Variants in CTCF observed in about 807,000 individuals in gnomAD.
CTCF encodes CCCTC-binding factor, also known as transcriptional repressor CTCF.
In CTCF, 7 loss-of-function variants were observed where a neutral mutation model predicts 72.3. The ratio of observed to expected loss-of-function variants is 0.10; its 90% CI spans 0.06 to 0.18. The LOEUF (loss-of-function observed/expected upper bound fraction) is 0.18. CTCF is among the 10% of genes least tolerant of loss of function. The probability of loss-of-function intolerance (pLI) is 1.00; values close to 1 mark genes in which losing one functional copy is unlikely to be tolerated. For synonymous variants in CTCF, 374 were observed against 315.8 expected (o/e 1.18, Z -1.95); for missense variants, 516 against 949.1 (o/e 0.54, Z 6.00).
At chr16:67,625,283 C>G in intron 7 of CTCF, among the ~76,000 whole-genome samples, 1 of 152,078 alleles carries the variant, frequency 6.6e-6, no homozygotes, top group East Asian at 1.9e-4. Context: ...CTCTGCCCCC[C>G]AGGTTCAAGC....
chr16:67,563,001 G>T (rs1421989273), intron 1 of CTCF, among the ~76,000 whole-genome samples: 1 of 144,136 alleles, frequency 6.9e-6, no homozygotes, highest in Non-Finnish European at 1.5e-5. Context: ...GCAGAGGCCC[G>T]CGCGCCCGGC....
intron 2 of CTCF, among the ~76,000 whole-genome samples, chr16:67,587,148 C>G (rs1192222449): frequency 6.7e-6 from 1 of 148,532 alleles, no homozygotes; most frequent in Non-Finnish European, 1.5e-5. Flanking sequence ...GCTCTGTCGC[C>G]CAGGCTGGCA....
chr16:67,626,486 G>A (rs527441691), intron 7 of CTCF, 69 bp from the exon 8 acceptor site: 22 of 602,688 alleles, frequency 3.7e-5, no homozygotes, highest in African/African-American at 2.1e-4. Context: ...ATCGAGAAAT[G>A]TATTAGTAAC....
At chr16:67,595,792 TC>T (rs1359285028) in intron 2 of CTCF, among the ~76,000 whole-genome samples, 1 of 152,154 alleles carries the variant, frequency 6.6e-6, no homozygotes, top group Non-Finnish European at 1.5e-5. Flanking sequence ...CTGTCCGCCC[TC>T]CCTTTTTAAA....
At chr16:67,627,355 T>G (rs559850009) in intron 8 of CTCF, 1 of 151,736 alleles carries the variant, frequency 6.6e-6, no homozygotes, top group South Asian at 2.1e-4. Context: ...TAGCCGGGCA[T>G]GGTGATAGAC....
chr16:67,584,298 G>T (rs1260619882), intron 2 of CTCF, among the ~76,000 whole-genome samples: 2 of 149,844 alleles, frequency 1.3e-5, no homozygotes, highest in Non-Finnish European at 3.0e-5. Context: ...CTCCAGCCTG[G>T]ATGACGAACG....
At chr16:67,624,071 A>G (rs9674401) in intron 7 of CTCF, among the ~76,000 whole-genome samples, 2,713 of 117,492 alleles carry the variant, frequency 0.023, 46 homozygotes, top group Non-Finnish European at 0.027. Context: ...AAAATTATAT[A>G]TGTGTGTGTG....
chr16:67,629,232 G>C (rs998163920), intron 9 of CTCF, among the ~76,000 whole-genome samples, 166 bp from the exon 10 acceptor site: 1 of 152,006 alleles, frequency 6.6e-6, no homozygotes, highest in Non-Finnish European at 1.5e-5. Flanking sequence ...TCCCCTTAGA[G>C]AACCCAGCCT....
At chr16:67,606,061 A>G (rs1377551276) in intron 2 of CTCF, among the ~76,000 whole-genome samples, 1 of 152,208 alleles carries the variant, frequency 6.6e-6, no homozygotes, top group African/African-American at 2.4e-5. Context: ...TTCTCTGCCC[A>G]GAAAGCATAA....
At chr16:67,607,392 A>G (rs2051988630) in intron 2 of CTCF, among the ~76,000 whole-genome samples, 1 of 151,638 alleles carries the variant, frequency 6.6e-6, no homozygotes, top group Non-Finnish European at 1.5e-5. Flanking sequence ...TGCAACCTCC[A>G]CCTCCAGGGT....
chr16:67,602,842 CAAAAA>C (rs75191313), intron 2 of CTCF, among the ~76,000 whole-genome samples: 1 of 55,348 alleles, frequency 1.8e-5, no homozygotes, highest in African/African-American at 6.3e-5. Flanking sequence ...ACTCCATCTC[CAAAAA>C]AAAAAAAAAA....
chr16:67,637,657 C>T (rs755813764), intron 11 of CTCF, 31 bp from the exon 12 acceptor site: 2 of 1,584,226 alleles, frequency 1.3e-6, no homozygotes, highest in African/African-American at 1.4e-5. Context: ...TTTAATGGAC[C>T]ATTTGTTCTG....
chr16:67,619,250 A>G (rs2052171214), intron 5 of CTCF, among the ~76,000 whole-genome samples: 1 of 152,164 alleles, frequency 6.6e-6, no homozygotes, highest in African/African-American at 2.4e-5. Flanking sequence ...AGCCGGGCCA[A>G]CGTGGTGAAA....
intron 1 of CTCF, among the ~76,000 whole-genome samples, chr16:67,566,724 CG>C (rs1266756020): frequency 2.0e-5 from 3 of 151,194 alleles, no homozygotes; most frequent in Non-Finnish European, 4.4e-5. Context: ...GGACTACAGG[CG>C]CCTGCCACCA....
intron 10 of CTCF, 57 bp downstream of exon 10, chr16:67,629,590 AGT>A: frequency 1.3e-6 from 2 of 1,591,986 alleles, no homozygotes; most frequent in Admixed American, 1.7e-5. Context: ...CCCAGTTTCC[AGT>A]GTGTTTATGT....
chr16:67,635,004 A>ATTTTGT (rs1168699850), intron 10 of CTCF, among the ~76,000 whole-genome samples: 43 of 143,216 alleles, frequency 3.0e-4, no homozygotes, highest in Non-Finnish European at 5.9e-4. Flanking sequence ...CGCTGGGTAA[A>ATTTTGT]TTTTGTTTTT....
intron 11 of CTCF, among the ~76,000 whole-genome samples, 165 bp from the exon 12 acceptor site, chr16:67,637,523 T>G (rs745998365): frequency 6.6e-6 from 1 of 152,116 alleles, no homozygotes; most frequent in Non-Finnish European, 1.5e-5. Context: ...AGAGCAAGAC[T>G]CCGTCTCAAA....
At chr16:67,625,241 A>G (rs2052267520) in intron 7 of CTCF, among the ~76,000 whole-genome samples, 1 of 151,880 alleles carries the variant, frequency 6.6e-6, no homozygotes, top group South Asian at 2.1e-4. Flanking sequence ...GCTAGAGTAC[A>G]GTGCAGTAGC....
At chr16:67,570,113 G>A (rs937271258) in intron 1 of CTCF, among the ~76,000 whole-genome samples, 1 of 145,804 alleles carries the variant, frequency 6.9e-6, no homozygotes, top group Non-Finnish European at 1.5e-5. Flanking sequence ...GTCTCGCTGT[G>A]TTGCCCAGGC....
Sources: allele counts gnomAD v4.1 joint callset (sites outside exome capture counted in the v4.1 genomes callset), GRCh38; gene constraint gnomAD v4.1.1; transcripts MANE v1.5; gene names NCBI Gene and HGNC (gene_info 2026-07-23, HGNC 2026-07-21).